The following CATSPERD variants were observed in gnomAD, a reference collection of about 807,000 sequenced individuals.
CATSPERD encodes cation channel sperm-associated auxiliary subunit delta.
In CATSPERD, 86 loss-of-function variants were observed where a neutral mutation model predicts 98.1. That is an observed-to-expected ratio of 0.88 (90% CI 0.74 to 1.05). The LOEUF is 1.05. Ranked by LOEUF, CATSPERD falls within the 50% of genes least tolerant of loss-of-function variation. The pLI is 0.00. For missense variants in CATSPERD, 995 were observed against 1,005.7 expected (o/e 0.99, Z 0.14); for synonymous variants, 394 against 390.2 (o/e 1.01, Z -0.12).
intron 21 of CATSPERD, among the ~76,000 whole-genome samples, chr19:5,777,628 A>G (rs546209414): frequency 6.6e-6 from 1 of 152,328 alleles, no homozygotes; most frequent in African/African-American, 2.4e-5. Flanking sequence ...TACGCCTGTA[A>G]TCCCAACACT....
rs1237049815 is a variant in CATSPERD at position 5,751,740 on chromosome 19, T to G, written c.1081T>G (p.Phe361Val). The G allele has an allele frequency of 6.2e-7, 1 of 1,613,830 alleles. No homozygotes were observed. The highest frequency in any genetic ancestry group is 1.1e-5 in the South Asian group (1 of 91,056). ...EILTPLRDTA[F>V]PAFDFQKCLV... The stretch of plus-strand genomic sequence containing the variant: ...ACTGACCCCACTGCGTGACACAGCC[T>G]TTCCAGCTTTTGATTTCCAGAAGTG... Residue 361 changes from phenylalanine (F) to valine (V), a missense_variant, in exon 12 of 22, where the codon TTT (phenylalanine) becomes GTT (valine). By Grantham distance (50) the Phe-to-Val change is conservative (BLOSUM62 -1). This residue lies in a region of CATSPERD where 762 missense variants were observed against 773.7 expected (regional missense o/e 0.98). Coordinates refer to ENST00000381624, the MANE Select transcript of CATSPERD (RefSeq NM_152784.4).
At chr19:5,768,605 G>A (rs1476262191) in intron 18 of CATSPERD, among the ~76,000 whole-genome samples, 1 of 151,552 alleles carries the variant, frequency 6.6e-6, no homozygotes, top group Non-Finnish European at 1.5e-5. Context: ...CAAAGTGCTG[G>A]GATTACAGGC....
At position 5,763,847 on chromosome 19, in the gene CATSPERD, C is replaced by CTTTTTTTTTTTTTTTTTTTTTT. The variant is rs56352544; in HGVS notation, c.1506+572_1506+573insTTTTTTTTTTTTTTTTTTTTTT. On this transcript the variant is annotated intron_variant, in intron 16 of 21. Coordinates refer to ENST00000381624, the MANE Select transcript of CATSPERD (RefSeq NM_152784.4). ...TGTTGGCCAGGCTGGTCTTGAACTC[C>CTTTTTTTTTTTTTTTTTTTTTT]TTTTTTTTTTTTTTTTTTGACATGG... Among the ~76,000 whole-genome samples, 18 of 62,136 alleles carry CTTTTTTTTTTTTTTTTTTTTTT rather than the reference C, an allele frequency of 2.9e-4. 4 individuals are homozygous for CTTTTTTTTTTTTTTTTTTTTTT. The East Asian group carries it at 4.5e-3, about 15-fold the overall frequency. 40.8% of individuals were successfully genotyped at this position (62,136 alleles called of 152,430 possible). A position where few individuals can be genotyped will look rare whatever the true frequency, so the allele number is the denominator to read the frequency against.
intron 9 of CATSPERD, among the ~76,000 whole-genome samples, chr19:5,746,549 C>T (rs1441668235): frequency 6.6e-6 from 1 of 152,188 alleles, no homozygotes; most frequent in Admixed American, 6.6e-5. Context: ...TGGCTTCAGC[C>T]TCCCTAGTAG....
intron 16 of CATSPERD, 142 bp downstream of exon 16, chr19:5,763,435 A>T: frequency 1.6e-6 from 1 of 618,878 alleles, no homozygotes; most frequent in South Asian, 2.3e-5. Flanking sequence ...TGCCTCAAAA[A>T]CTAAAAAAAT....
rs765495581 is a variant in CATSPERD at position 5,745,937 on chromosome 19, C to T, written c.682C>T (p.Pro228Ser). 6.2e-7 allele frequency: 1 copy of T among 1,613,962 alleles called. No individual in the cohort carries two copies. Among genetic ancestry groups the T allele is most frequent in the Non-Finnish European group, 8.5e-7 (1 of 1,180,018 alleles). ...GKGMFKYSDH[P>S]LNRSFGLSFD... The stretch of plus-strand genomic sequence containing the variant: ...GGGCATGTTCAAGTACTCAGATCAC[C>T]CCCTCAACCGGAGTTTCGGGCTGTC... The change falls in exon 9 of 22, where the codon CCC becomes TCC. Residue 228 changes from proline to serine, a missense_variant. Transcript: ENST00000381624.
chr19:5,746,575 C>G (rs1312581349), intron 9 of CATSPERD, among the ~76,000 whole-genome samples: 2 of 152,020 alleles, frequency 1.3e-5, no homozygotes, highest in Admixed American at 1.3e-4. Flanking sequence ...ACTACAGGCG[C>G]CCAGCACCAT....
At chr19:5,746,110 C>A (rs768054369) in intron 9 of CATSPERD, 47 bp downstream of exon 9, 5 of 1,606,762 alleles carry the variant, frequency 3.1e-6, no homozygotes, top group Non-Finnish European at 3.4e-6. Context: ...TGGCCTCCTC[C>A]AGAGGGGCCG....
At chr19:5,750,570 G>A (rs780780135) in intron 11 of CATSPERD, among the ~76,000 whole-genome samples, 19 of 150,020 alleles carry the variant, frequency 1.3e-4, no homozygotes, top group Non-Finnish European at 2.2e-4. Flanking sequence ...GTGAGACCCC[G>A]TCTCTACTAA....
rs573734083 is a variant in CATSPERD at position 5,730,341 on chromosome 19, G to A, written c.276+397G>A. 1.3e-3 allele frequency among the ~76,000 whole-genome samples: 197 copies of A among 150,684 alleles called. 2 individuals carry two copies. Among genetic ancestry groups the A allele is most frequent in the African/African-American group, 4.6e-3 (190 of 41,032 alleles). On this transcript the variant is annotated intron_variant, in intron 4 of 21. Coordinates refer to ENST00000381624, the MANE Select transcript of CATSPERD (RefSeq NM_152784.4). ...GGGCAGATCACAAGGTCAAGAGACT[G>A]AGACCATCCTGGCCAACATGGTGAA...
Position 5,772,693 on chromosome 19 carries a change from C to G in CATSPERD, c.1764-95C>G, listed in dbSNP as rs1475774012. 1.5e-5 allele frequency: 19 copies of G among 1,302,412 alleles called. No homozygotes were observed. The South Asian group carries it at 2.1e-4, about 14-fold the overall frequency. The allele number at this position is 1,302,412 out of a possible 1,614,324, so 80.7% of individuals were successfully genotyped here. On this transcript the variant is annotated intron_variant, in intron 19 of 21. Transcript: ENST00000381624. The stretch of plus-strand genomic sequence containing the variant: ...TTTCCTCTCTGTCACCTCCCACCCC[C>G]CAAGCGGTTTTGCAGCCGTCCAGGT...
At chr19:5,759,544 G>A (rs1368699182) in intron 15 of CATSPERD, among the ~76,000 whole-genome samples, 2 of 134,204 alleles carry the variant, frequency 1.5e-5, no homozygotes, top group Non-Finnish European at 3.1e-5. Flanking sequence ...TAGCCTGGGC[G>A]ACAAACATGA....
chr19:5,746,514 C>T (rs1366651894), intron 9 of CATSPERD, among the ~76,000 whole-genome samples: 4 of 152,088 alleles, frequency 2.6e-5, no homozygotes, highest in Non-Finnish European at 4.4e-5. Context: ...CTGCAAGCTC[C>T]GCCTCCCGGG....
chr19:5,749,967 C>G (rs1252385986), intron 11 of CATSPERD, among the ~76,000 whole-genome samples: 1 of 151,300 alleles, frequency 6.6e-6, no homozygotes, highest in Non-Finnish European at 1.5e-5. Context: ...CCACACCAGG[C>G]TAAGTTTTGT....
chr19:5,770,808 C>G (rs1248273294), intron 18 of CATSPERD, 136 bp from the exon 19 acceptor site: 2 of 1,011,082 alleles, frequency 2.0e-6, no homozygotes, highest in Non-Finnish European at 2.9e-6. Context: ...GGCTCTCAAT[C>G]GCCCACCTCA....
At chr19:5,729,435 T>C (rs1172776730) in intron 3 of CATSPERD, among the ~76,000 whole-genome samples, 2 of 152,184 alleles carry the variant, frequency 1.3e-5, no homozygotes, top group African/African-American at 2.4e-5. Context: ...ACCATAAAAT[T>C]TACTGGGGAG....
chr19:5,725,273 T>A (rs1272037398), intron 2 of CATSPERD, among the ~76,000 whole-genome samples: 2 of 152,114 alleles, frequency 1.3e-5, no homozygotes, highest in African/African-American at 4.8e-5. Flanking sequence ...TGCCTCACCC[T>A]CCCTAGTAGC....
intron 1 of CATSPERD, 152 bp from the exon 2 acceptor site, chr19:5,724,656 G>T: frequency 2.9e-6 from 2 of 692,546 alleles, no homozygotes; most frequent in Non-Finnish European, 5.0e-6. Flanking sequence ...CCAAGATCTT[G>T]CCACTGCACT....
chr19:5,751,599 A>G (rs1056142722), intron 11 of CATSPERD, 48 bp from the exon 12 acceptor site: 5 of 1,298,694 alleles, frequency 3.9e-6, no homozygotes, highest in Non-Finnish European at 5.1e-6. Flanking sequence ...TTAAACCTCC[A>G]GAAAAACAAT....
Sources: gnomAD v4.1 joint callset for allele counts (sites outside exome capture counted in the v4.1 genomes callset) on GRCh38, gnomAD v4.1.1 for gene constraint, gnomAD v4.1.1 regional missense constraint, MANE v1.5 for transcripts, NCBI Gene and HGNC (gene_info 2026-07-23, HGNC 2026-07-21) for gene names.